VWF: variants seen among roughly 807,000 people sequenced by gnomAD.
The protein encoded by VWF is von Willebrand factor, also known as Factor VIII related antigen.
In VWF, 176 loss-of-function variants were observed where a neutral mutation model predicts 308.6. That is an observed-to-expected ratio of 0.57 (90% CI 0.50 to 0.65). The LOEUF (loss-of-function observed/expected upper bound fraction) is 0.65, where lower values mean the gene tolerates loss of function less well. VWF is among the 30% of genes least tolerant of loss of function. The probability of loss-of-function intolerance (pLI) is 0.00; values close to 1 mark genes in which losing one functional copy is unlikely to be tolerated. For synonymous variants in VWF, 1,385 were observed against 1,443.4 expected (o/e 0.96, Z 0.92); for missense variants, 3,146 against 3,648.2 (o/e 0.86, Z 3.55).
chr12:5,976,252 G>A lies in VWF; in HGVS notation c.7296C>T (p.Val2432=). The A allele has an allele frequency of 6.2e-7, 1 of 1,614,124 alleles. No homozygotes were observed. The highest frequency in any genetic ancestry group is 1.1e-5 in the South Asian group (1 of 91,078). ...CCACAGGGTAGATGGTGCTTCGGTGGACACACACCTGTAGACATAAGTTTT... is the reference window on the plus strand; with the variant it reads ...CCACAGGGTAGATGGTGCTTCGGTGAACACACACCTGTAGACATAAGTTTT... The part of the protein sequence containing the change: ...TTTCLPDKVC[V]HRSTIYPVGQ... The change falls in exon 43 of 52, where the codon GTC becomes GTT. Residue 2432 remains valine (V), a synonymous_variant. Coordinates refer to ENST00000261405, the MANE Select transcript of VWF (RefSeq NM_000552.5).
At chr12:6,037,473 C>T (rs115432035) in intron 18 of VWF, among the ~76,000 whole-genome samples, 1,607 of 152,228 alleles carry the variant, frequency 0.011, 35 homozygotes, top group African/African-American at 0.036. Flanking sequence ...CGTCACCCCT[C>T]GGGAAACTAC....
chr12:6,103,414 ACG>A (rs1565390961), intron 5 of VWF, among the ~76,000 whole-genome samples: 28 of 115,640 alleles, frequency 2.4e-4, no homozygotes, highest in Middle Eastern at 4.2e-3. Flanking sequence ...GTGTATACAC[ACG>A]TGTGTGTATA....
chr12:6,073,988 T>A (rs1412102872), intron 7 of VWF, among the ~76,000 whole-genome samples: 1 of 151,956 alleles, frequency 6.6e-6, no homozygotes, highest in Non-Finnish European at 1.5e-5. Context: ...CCCCCACCCT[T>A]CCCCTTGGTC....
In VWF at chr12:6,038,742, T is replaced by C. The variant is rs191294443; in HGVS notation, c.2443-2251A>G. The stretch of plus-strand genomic sequence containing the variant: ...TAATTCATGGACAGCAATATTATAA[T>C]AGGACCTTGATATTAAGTGAGGACT... On this transcript the variant is annotated intron_variant, in intron 18 of 51. Coordinates refer to ENST00000261405, the MANE Select transcript of VWF (RefSeq NM_000552.5). Among the ~76,000 whole-genome samples the C allele has an allele frequency of 1.2e-3, 181 of 152,318 alleles. 1 individual carries two copies. The highest frequency in any genetic ancestry group is 3.4e-3 in the Middle Eastern group (1 of 294).
chr12:5,957,271 T>G (rs1943262225), intron 47 of VWF, among the ~76,000 whole-genome samples: 1 of 152,184 alleles, frequency 6.6e-6, no homozygotes, highest in African/African-American at 2.4e-5. Context: ...GATGCATTTC[T>G]TAGAACATAT....
At chr12:5,991,189 ACACACACACACACACACG>A (rs1479282283) in intron 38 of VWF, among the ~76,000 whole-genome samples, 2 of 136,380 alleles carry the variant, frequency 1.5e-5, no homozygotes, top group African/African-American at 5.1e-5. Context: ...ACACACACAC[ACACACACACACACACACG>A]CATGCACACA....
intron 13 of VWF, among the ~76,000 whole-genome samples, chr12:6,061,972 T>A (rs1364551411): frequency 6.6e-6 from 1 of 152,212 alleles, no homozygotes; most frequent in East Asian, 1.9e-4. Context: ...TTGTTGCTTA[T>A]TTTTGTTCTG....
At chr12:5,984,515 T>C (rs1943655842) in intron 40 of VWF, among the ~76,000 whole-genome samples, 1 of 152,262 alleles carries the variant, frequency 6.6e-6, no homozygotes, top group Non-Finnish European at 1.5e-5. Flanking sequence ...GTACAAGCAA[T>C]AAACACACTG....
At chr12:6,035,911 T>C (rs185823862) in intron 19 of VWF, among the ~76,000 whole-genome samples, 1 of 152,392 alleles carries the variant, frequency 6.6e-6, no homozygotes, top group Admixed American at 6.5e-5. Context: ...TTTCTGATGG[T>C]TCAATGTACA....
rs1274099260 is a variant in VWF, at chr12:6,103,431, C to CGT, written c.532+6941_532+6942dup. Among the ~76,000 whole-genome samples, 17 of 111,650 alleles carry CGT rather than the reference C, an allele frequency of 1.5e-4. 2 individuals carry two copies. Among genetic ancestry groups the CGT allele is most frequent in the African/African-American group, 4.7e-4 (11 of 23,322 alleles). The allele number at this position is 111,650 out of a possible 152,430, so 73.2% of individuals were successfully genotyped here. A position where few individuals can be genotyped will look rare whatever the true frequency, so the allele number is the denominator to read the frequency against. ...GTATACACACGTGTGTGTATACACACGTGTGTATATACATACACATATATG... is the reference window on the plus strand; with the variant it reads ...GTATACACACGTGTGTGTATACACACGTGTGTGTATATACATACACATATATG... On this transcript the variant is annotated intron_variant, in intron 5 of 51. Transcript: ENST00000261405.
chr12:6,030,059 C>T (rs1944241699), intron 21 of VWF, among the ~76,000 whole-genome samples: 1 of 152,224 alleles, frequency 6.6e-6, no homozygotes, highest in Non-Finnish European at 1.5e-5. Flanking sequence ...GAGCCTCTGA[C>T]TTAGCCCAAT....
intron 40 of VWF, among the ~76,000 whole-genome samples, chr12:5,984,709 A>G (rs142031922): frequency 1.4e-3 from 211 of 152,360 alleles, no homozygotes; most frequent in Non-Finnish European, 2.4e-3. Context: ...GGTCTTCTCT[A>G]TATCTAGCAG....
In VWF at chr12:5,967,437, C is replaced by T. The variant is rs1331662003; in HGVS notation, c.7887+49G>A. 3.3e-6 allele frequency: 5 copies of T among 1,512,034 alleles called. No individual in the cohort carries two copies. The East Asian group carries it at 9.0e-5, about 27-fold the overall frequency. The allele number at this position is 1,512,034 out of a possible 1,614,324, so 93.7% of individuals were successfully genotyped here. On this transcript the variant is annotated intron_variant, in intron 47 of 51. Transcript: ENST00000261405. ...CGCAGTGAGGTCCCACTGCCTGGGT[C>T]CCACACGCGTCCAGTCCATGCCCTC...
At chr12:6,080,343 T>C (rs1276652788) in intron 6 of VWF, among the ~76,000 whole-genome samples, 1 of 152,244 alleles carries the variant, frequency 6.6e-6, no homozygotes, top group Non-Finnish European at 1.5e-5. Context: ...TTAACTGGCA[T>C]TCAATCTACC....
At chr12:5,981,593 T>C (rs1943606132) in intron 42 of VWF, among the ~76,000 whole-genome samples, 193 bp downstream of exon 42, 2 of 152,116 alleles carry the variant, frequency 1.3e-5, no homozygotes, top group Admixed American at 1.3e-4. Context: ...CAACCAAGCC[T>C]TGTAGCACTT....
At chr12:6,072,076 T>C (rs1944787851) in intron 9 of VWF, among the ~76,000 whole-genome samples, 1 of 152,200 alleles carries the variant, frequency 6.6e-6, no homozygotes, top group Non-Finnish European at 1.5e-5. Flanking sequence ...CAGCTAGAGA[T>C]GATGTCTGCA....
chr12:5,971,783 C>G, intron 43 of VWF, 74 bp from the exon 44 acceptor site: 1 of 1,293,916 alleles, frequency 7.7e-7, no homozygotes, highest in Non-Finnish European at 1.1e-6. Context: ...ACGCCTCCTG[C>G]GTACTGAGCC....
chr12:5,951,315 G>A (rs528513773), intron 50 of VWF, among the ~76,000 whole-genome samples: 37 of 152,264 alleles, frequency 2.4e-4, no homozygotes, highest in African/African-American at 8.7e-4. Flanking sequence ...AAGAAGAGGG[G>A]GTGATAAACT....
chr12:5,976,243 G>T lies in VWF; in HGVS notation c.7305C>A (p.Ser2435Arg). The T allele has an allele frequency of 1.9e-6, 3 of 1,614,168 alleles. No homozygotes were observed. Among genetic ancestry groups the T allele is most frequent in the Non-Finnish European group, 2.5e-6 (3 of 1,180,038 alleles). ...CLPDKVCVHRSTIYPVGQFWE... is the reference protein window; with the variant it reads ...CLPDKVCVHRRTIYPVGQFWE... ...AGAACTGGCCCACAGGGTAGATGGT[G>T]CTTCGGTGGACACACACCTGTAGAC... Residue 2435 changes from serine (S) to arginine (R), a missense_variant, in exon 43 of 52, where the codon AGC (serine) becomes AGA (arginine). By Grantham distance (110) the Ser-to-Arg change is moderately radical. Transcript: ENST00000261405.
Sources: allele counts gnomAD v4.1 joint callset (sites outside exome capture counted in the v4.1 genomes callset), GRCh38; gene constraint gnomAD v4.1.1; transcripts MANE v1.5; gene names NCBI Gene and HGNC (gene_info 2026-07-23, HGNC 2026-07-21).